CENPP: variants seen among roughly 807,000 people sequenced by gnomAD.
The protein encoded by CENPP is centromere protein P.
Under a neutral mutation model 35.6 loss-of-function variants are expected in CENPP, and 24 were observed. That is an observed-to-expected ratio of 0.67 (90% CI 0.49 to 0.95). The LOEUF (loss-of-function observed/expected upper bound fraction) is 0.95, where lower values mean the gene tolerates loss of function less well. CENPP is among the 40% of genes least tolerant of loss of function. The pLI, the probability that CENPP is intolerant of heterozygous loss-of-function variation, is 0.00. For synonymous variants in CENPP, 120 were observed against 125.5 expected (o/e 0.96, Z 0.29); for missense variants, 332 against 345.3 (o/e 0.96, Z 0.31).
chr9:92,358,389 C>A (rs1841649937), intron 4 of CENPP, among the ~76,000 whole-genome samples: 1 of 151,862 alleles, frequency 6.6e-6, no homozygotes, highest in African/African-American at 2.4e-5. Flanking sequence ...ATTACAGGTG[C>A]CTGCTGCCAC....
chr9:92,544,029 TTC>T (rs1849373990), intron 5 of CENPP, among the ~76,000 whole-genome samples: 1 of 152,184 alleles, frequency 6.6e-6, no homozygotes, highest in African/African-American at 2.4e-5. Flanking sequence ...TTTTATTTCT[TTC>T]TCTTATCTAA....
At chr9:92,517,786 C>G (rs1316406982) in intron 5 of CENPP, 1 of 1,614,232 alleles carries the variant, frequency 6.2e-7, no homozygotes, top group South Asian at 1.1e-5. Context: ...ACTCTTCCAT[C>G]TGAGCAGAGG....
chr9:92,610,395 A>G (rs1425876897), intron 5 of CENPP: 1 of 150,734 alleles, frequency 6.6e-6, no homozygotes, highest in Non-Finnish European at 1.5e-5. Flanking sequence ...CAGGGCCACC[A>G]TTACTCTTAT....
At chr9:92,361,638 C>G (rs999276957) in intron 4 of CENPP, among the ~76,000 whole-genome samples, 1 of 151,530 alleles carries the variant, frequency 6.6e-6, no homozygotes, top group African/African-American at 2.4e-5. Context: ...CACCACCACG[C>G]ACAGCTAATT....
chr9:92,611,181 G>C, intron 5 of CENPP, 133 bp from the exon 6 acceptor site: 1 of 709,144 alleles, frequency 1.4e-6, no homozygotes, highest in South Asian at 1.6e-5. Context: ...AGGGGCGGTT[G>C]GCACCCATGG....
intron 4 of CENPP, among the ~76,000 whole-genome samples, chr9:92,360,299 T>C (rs1841712639): frequency 6.6e-6 from 1 of 152,226 alleles, no homozygotes; most frequent in South Asian, 2.1e-4. Context: ...TCACTTCCCC[T>C]TCCTGCTTCA....
intron 5 of CENPP, among the ~76,000 whole-genome samples, chr9:92,549,666 A>G (rs1265651201): frequency 1.3e-5 from 2 of 151,696 alleles, no homozygotes; most frequent in African/African-American, 4.8e-5. Flanking sequence ...AAACAAAACA[A>G]AACAAAACTA....
chr9:92,393,012 TATAGA>T (rs1588089742), intron 5 of CENPP: 1 of 1,191,946 alleles, frequency 8.4e-7, no homozygotes, highest in East Asian at 2.5e-5. Flanking sequence ...GCAGCAACTA[TATAGA>T]AACTTGTGTT....
upstream of CENPP, chr9:92,325,872 G>A: frequency 1.4e-6 from 1 of 701,954 alleles, no homozygotes; most frequent in Non-Finnish European, 2.4e-6. Context: ...GAGCTCTCCC[G>A]CCTCCCCTCC....
At chr9:92,506,910 T>A (rs1345059291) in intron 5 of CENPP, among the ~76,000 whole-genome samples, 2 of 152,006 alleles carry the variant, frequency 1.3e-5, no homozygotes, top group African/African-American at 4.8e-5. Context: ...TTTTAAATTT[T>A]ATTTTATTTT....
At chr9:92,552,385 G>T (rs1378314549) in intron 5 of CENPP, among the ~76,000 whole-genome samples, 1 of 152,110 alleles carries the variant, frequency 6.6e-6, no homozygotes, top group Admixed American at 6.5e-5. Flanking sequence ...GGATCAACTG[G>T]TGGTTCTACT....
chr9:92,617,961 T>C lies in CENPP; in HGVS notation c.*4812T>C. 1 of 324,818 alleles carries C rather than the reference T, an allele frequency of 3.1e-6. No individual in the cohort carries two copies. The highest frequency in any genetic ancestry group is 2.6e-5 in the South Asian group (1 of 38,394). 20.1% of individuals were successfully genotyped at this position (324,818 alleles called of 1,614,324 possible). A position where few individuals can be genotyped will look rare whatever the true frequency, so the allele number is the denominator to read the frequency against. ...GTAAGAAGTTTAAATGTGGTCAATC[T>C]ATCTGTGAGCTGCAAATTAGTCTAG... On this transcript the variant is annotated 3_prime_UTR_variant, in exon 8 of 8. Coordinates refer to ENST00000375587, the MANE Select transcript of CENPP (RefSeq NM_001012267.3).
intron 5 of CENPP, among the ~76,000 whole-genome samples, chr9:92,552,216 C>CACACA (rs1554686431): frequency 2.5e-4 from 37 of 146,722 alleles, no homozygotes; most frequent in Non-Finnish European, 3.6e-4. Flanking sequence ...CACACACACA[C>CACACA]CCCACAGTTT....
At chr9:92,561,905 T>C (rs1849856024) in intron 5 of CENPP, among the ~76,000 whole-genome samples, 1 of 152,206 alleles carries the variant, frequency 6.6e-6, no homozygotes, top group African/African-American at 2.4e-5. Flanking sequence ...CCCAATGATG[T>C]GTGCTATTAT....
intron 5 of CENPP, among the ~76,000 whole-genome samples, chr9:92,592,195 T>A (rs1850681205): frequency 6.6e-6 from 1 of 152,116 alleles, no homozygotes; most frequent in East Asian, 1.9e-4. Context: ...ATGATAAATA[T>A]ACAGTTTGAT....
chr9:92,471,153 G>GTTATAA (rs1381386704), intron 5 of CENPP, among the ~76,000 whole-genome samples: 1 of 150,614 alleles, frequency 6.6e-6, no homozygotes, highest in Admixed American at 6.6e-5. Context: ...TTTTCAGGCT[G>GTTATAA]TTATAGTGCT....
chr9:92,531,967 A>G (rs1179507870), intron 5 of CENPP, among the ~76,000 whole-genome samples: 1 of 112,680 alleles, frequency 8.9e-6, no homozygotes, highest in African/African-American at 4.3e-5. Context: ...CCAGTATTTT[A>G]TTGTTGCCTT....
intron 5 of CENPP, chr9:92,460,563 T>G: frequency 2.0e-6 from 3 of 1,537,080 alleles, no homozygotes; most frequent in Non-Finnish European, 2.7e-6. Flanking sequence ...AAGTTGGTGG[T>G]AAGCCTAATA....
chr9:92,327,161 C>T (rs530290919), intron 1 of CENPP, among the ~76,000 whole-genome samples: 1 of 152,306 alleles, frequency 6.6e-6, no homozygotes, highest in African/African-American at 2.4e-5. Context: ...AATACACTGC[C>T]CTAACAGAGG....
Sources: allele counts gnomAD v4.1 joint callset (sites outside exome capture counted in the v4.1 genomes callset), GRCh38; gene constraint gnomAD v4.1.1; transcripts MANE v1.5; gene names NCBI Gene and HGNC (gene_info 2026-07-23, HGNC 2026-07-21).